TMEM135: variants seen among roughly 807,000 people sequenced by gnomAD.
The protein encoded by TMEM135 is peroxisomal membrane protein 52.
TMEM135 carries 30 observed loss-of-function variants against 60.3 expected under a neutral mutation model. The observed-to-expected ratio is 0.50, with a 90% confidence interval of 0.37 to 0.68. The LOEUF (loss-of-function observed/expected upper bound fraction) is 0.68, where lower values mean the gene tolerates loss of function less well. Ranked by LOEUF, TMEM135 falls within the 30% of genes least tolerant of loss-of-function variation. The probability of loss-of-function intolerance (pLI) is 0.00; values close to 1 mark genes in which losing one functional copy is unlikely to be tolerated. For synonymous variants in TMEM135, 190 were observed against 186.7 expected (o/e 1.02, Z -0.14); for missense variants, 468 against 548.8 (o/e 0.85, Z 1.47).
chr11:87,236,507 A>G (rs1158337291), intron 5 of TMEM135, 131 bp from the exon 6 acceptor site: 2 of 776,386 alleles, frequency 2.6e-6, no homozygotes, highest in Non-Finnish European at 4.4e-6. Flanking sequence ...GGAATATGAA[A>G]TGTGTGTGAC....
intron 5 of TMEM135, among the ~76,000 whole-genome samples, chr11:87,180,949 A>C (rs1381039623): frequency 2.0e-5 from 3 of 152,198 alleles, no homozygotes; most frequent in East Asian, 3.9e-4. Flanking sequence ...GAAATCATCA[A>C]CTGTTGTAGG....
At chr11:87,306,144 G>A (rs990551396) in intron 9 of TMEM135, 139 bp downstream of exon 9, 1 of 471,472 alleles carries the variant, frequency 2.1e-6, no homozygotes, top group Non-Finnish European at 3.5e-6. Context: ...GACTTCAAGA[G>A]TGAGAAATTT....
At chr11:87,276,701 C>CAA (rs1941974008) in intron 6 of TMEM135, among the ~76,000 whole-genome samples, 1 of 125,546 alleles carries the variant, frequency 8.0e-6, no homozygotes, top group African/African-American at 3.1e-5. Flanking sequence ...TGGAGTCTAG[C>CAA]TTTGTCACCC....
chr11:87,039,289 C>T (rs904467087), intron 1 of TMEM135, among the ~76,000 whole-genome samples: 11 of 152,146 alleles, frequency 7.2e-5, no homozygotes, highest in Admixed American at 2.0e-4. Context: ...ATTGTATAGA[C>T]TGATGCTTCT....
intron 5 of TMEM135, among the ~76,000 whole-genome samples, chr11:87,168,263 AT>A (rs1939123508): frequency 6.6e-6 from 1 of 151,864 alleles, no homozygotes; most frequent in Non-Finnish European, 1.5e-5. Flanking sequence ...CAGCTCCTGG[AT>A]TCATTGATTT....
At chr11:87,139,249 T>A (rs1938198071) in intron 4 of TMEM135, among the ~76,000 whole-genome samples, 1 of 152,148 alleles carries the variant, frequency 6.6e-6, no homozygotes, top group Non-Finnish European at 1.5e-5. Context: ...TGAGAGCTAC[T>A]TTTGGGTGGG....
chr11:87,198,574 G>A (rs1049909283), intron 5 of TMEM135, among the ~76,000 whole-genome samples: 17 of 76,956 alleles, frequency 2.2e-4, no homozygotes, highest in African/African-American at 5.2e-4. Flanking sequence ...TCCCCTCTCC[G>A]CTCCCCTCTC....
chr11:87,302,807 A>C (rs79490987), intron 8 of TMEM135, among the ~76,000 whole-genome samples: 2 of 152,226 alleles, frequency 1.3e-5, no homozygotes, highest in Non-Finnish European at 2.9e-5. Flanking sequence ...AGATTGAAGA[A>C]GATTAAGGAA....
At chr11:87,106,399 C>T (rs368349507) in intron 4 of TMEM135, among the ~76,000 whole-genome samples, 44 of 152,192 alleles carry the variant, frequency 2.9e-4, no homozygotes, top group African/African-American at 8.7e-4. Flanking sequence ...CCACTGCACC[C>T]GGCTAACTGA....
At chr11:87,161,926 AGAT>A (rs1348149267) in intron 5 of TMEM135, among the ~76,000 whole-genome samples, 1 of 152,196 alleles carries the variant, frequency 6.6e-6, no homozygotes, top group East Asian at 1.9e-4. Context: ...ACATTGTTTT[AGAT>A]GCCTGTGATG....
rs535032296 is a variant in TMEM135 at position 87,187,782 on chromosome 11, C to T, written c.462+30376C>T. On this transcript the variant is annotated intron_variant, in intron 5 of 14. Transcript: ENST00000305494. Reference sequence around the variant, plus strand: ...AAATTGCAAAGAAAACATCTAGCCACCATCCAATTACAACAACTTCTTGTT... The same window carrying T: ...AAATTGCAAAGAAAACATCTAGCCATCATCCAATTACAACAACTTCTTGTT... 2.6e-5 allele frequency among the ~76,000 whole-genome samples: 4 copies of T among 152,298 alleles called. No individual in the cohort carries two copies. The South Asian group carries it at 8.3e-4, about 32-fold the overall frequency.
chr11:87,122,437 A>ATTTTTTTTTATTTATT (rs765586434), intron 4 of TMEM135, among the ~76,000 whole-genome samples: 6 of 144,916 alleles, frequency 4.1e-5, no homozygotes, highest in African/African-American at 1.0e-4. Flanking sequence ...TTTAGTTTTT[A>ATTTTTTTTTATTTATT]TATTTATTTA....
At chr11:87,120,906 T>C (rs1017968531) in intron 4 of TMEM135, among the ~76,000 whole-genome samples, 1 of 152,216 alleles carries the variant, frequency 6.6e-6, no homozygotes, top group Admixed American at 6.5e-5. Flanking sequence ...TTAATTCATT[T>C]ACCCAGCAAA....
chr11:87,111,609 C>T (rs56686948), intron 4 of TMEM135, among the ~76,000 whole-genome samples: 58,326 of 145,860 alleles, frequency 0.4, 12,256 homozygotes, highest in East Asian at 0.65. Context: ...TGAGATCGCA[C>T]CACTGCACTC....
At chr11:87,150,559 T>C (rs1208105925) in intron 4 of TMEM135, among the ~76,000 whole-genome samples, 1 of 152,242 alleles carries the variant, frequency 6.6e-6, no homozygotes, top group African/African-American at 2.4e-5. Flanking sequence ...TCAAACTGTG[T>C]AACAATTACT....
chr11:87,143,915 A>G (rs566414180), intron 4 of TMEM135, among the ~76,000 whole-genome samples: 2 of 152,318 alleles, frequency 1.3e-5, no homozygotes, highest in African/African-American at 2.4e-5. Flanking sequence ...CTAAGTTCTT[A>G]CATTATACAG....
intron 1 of TMEM135, among the ~76,000 whole-genome samples, chr11:87,064,871 C>T (rs2445573): frequency 2.0e-5 from 3 of 151,692 alleles, no homozygotes; most frequent in Admixed American, 1.3e-4. Flanking sequence ...GGCAACAGAG[C>T]GAGACTTTGT....
intron 6 of TMEM135, among the ~76,000 whole-genome samples, chr11:87,265,775 T>A (rs961515071): frequency 6.6e-6 from 1 of 152,086 alleles, no homozygotes; most frequent in Admixed American, 6.6e-5. Flanking sequence ...TTTCATTTCA[T>A]CCCTTAGGTC....
In TMEM135 at chr11:87,327,462, AT is replaced by A; in HGVS notation, c.*6132del. 2.2e-6 allele frequency: 1 copy of A among 454,072 alleles called. No individual in the cohort carries two copies. The highest frequency in any genetic ancestry group is 4.4e-6 in the Non-Finnish European group (1 of 226,788). The allele number at this position is 454,072 out of a possible 1,614,324, so 28.1% of individuals were successfully genotyped here. A position where few individuals can be genotyped will look rare whatever the true frequency, so the allele number is the denominator to read the frequency against. On this transcript the variant is annotated 3_prime_UTR_variant, in exon 15 of 15. Transcript: ENST00000305494. ...GAGCATTTTGAGAAAATAAACCTCT[AT>A]TTCTTAAAGTTCTGTATCAGTCAGG... is the stretch of plus-strand genomic sequence containing the variant.
Sources: allele counts gnomAD v4.1 joint callset (sites outside exome capture counted in the v4.1 genomes callset), GRCh38; gene constraint gnomAD v4.1.1; transcripts MANE v1.5; gene names NCBI Gene and HGNC (gene_info 2026-07-23, HGNC 2026-07-21).